Variants in CNTN5 observed in about 807,000 individuals in gnomAD.
The protein encoded by CNTN5 is contactin-5.
A neutral mutation model predicts 129.1 loss-of-function variants in CNTN5; 77 were observed. The observed-to-expected ratio is 0.60, with a 90% CI of 0.50 to 0.72. The LOEUF (loss-of-function observed/expected upper bound fraction) is 0.72. CNTN5 is among the 30% of genes least tolerant of loss of function. The probability of loss-of-function intolerance (pLI) is 0.00; values close to 1 mark genes in which losing one functional copy is unlikely to be tolerated. For synonymous variants in CNTN5, 509 were observed against 465.6 expected (o/e 1.09, Z -1.20); for missense variants, 1,478 against 1,328.8 (o/e 1.11, Z -1.75).
At chr11:100,109,704 T>C (rs1945579958) in intron 13 of CNTN5, among the ~76,000 whole-genome samples, 1 of 152,204 alleles carries the variant, frequency 6.6e-6, no homozygotes, top group Non-Finnish European at 1.5e-5. Flanking sequence ...CACAAAAGTA[T>C]TATGCACTTA....
intron 3 of CNTN5, among the ~76,000 whole-genome samples, chr11:99,679,115 A>G (rs1290995901): frequency 6.8e-6 from 1 of 147,794 alleles, no homozygotes; most frequent in Admixed American, 6.8e-5. Context: ...GGAAATATAT[A>G]TATGTATATA....
chr11:99,577,344 A>G (rs944492839), intron 3 of CNTN5, among the ~76,000 whole-genome samples: 5 of 152,170 alleles, frequency 3.3e-5, no homozygotes, highest in African/African-American at 1.2e-4. Context: ...CTACAACCAT[A>G]TGCTCTAAAT....
At chr11:99,513,890 C>A (rs1313041023) in intron 2 of CNTN5, among the ~76,000 whole-genome samples, 1 of 151,978 alleles carries the variant, frequency 6.6e-6, no homozygotes, top group East Asian at 1.9e-4. Context: ...GTAATTTTGT[C>A]TTTTAAGTCT....
chr11:99,250,072 C>G (rs1862022603), intron 1 of CNTN5, among the ~76,000 whole-genome samples: 1 of 151,940 alleles, frequency 6.6e-6, no homozygotes, highest in Non-Finnish European at 1.5e-5. Flanking sequence ...GGCATAGACA[C>G]TTCAATAGGT....
intron 9 of CNTN5, among the ~76,000 whole-genome samples, chr11:100,014,647 G>C (rs981746331): frequency 1.3e-4 from 20 of 151,924 alleles, no homozygotes; most frequent in African/African-American, 4.8e-4. Flanking sequence ...ATTAGCTTTG[G>C]GAATTTCTCC....
intron 3 of CNTN5, among the ~76,000 whole-genome samples, chr11:99,597,982 C>T (rs1389754721): frequency 6.6e-6 from 1 of 152,106 alleles, no homozygotes; most frequent in Non-Finnish European, 1.5e-5. Flanking sequence ...CCCTCATTGA[C>T]ACCTTCCTTC....
chr11:100,022,809 A>T (rs1274737845), intron 9 of CNTN5, among the ~76,000 whole-genome samples: 2 of 152,182 alleles, frequency 1.3e-5, no homozygotes, highest in Admixed American at 1.3e-4. Flanking sequence ...TTACAGACCA[A>T]TATCTTCTTC....
intron 13 of CNTN5, among the ~76,000 whole-genome samples, chr11:100,128,439 C>T (rs928694358): frequency 2.0e-5 from 3 of 152,146 alleles, no homozygotes; most frequent in Admixed American, 6.5e-5. Context: ...TCCTAATCCC[C>T]AGAACCTGTA....
intron 8 of CNTN5, among the ~76,000 whole-genome samples, chr11:99,998,183 G>T (rs1939588523): frequency 6.6e-6 from 1 of 151,744 alleles, no homozygotes; most frequent in African/African-American, 2.4e-5. Context: ...GGGAATAAAG[G>T]GTCTTCAATT....
In CNTN5 at chr11:100,297,743, C is replaced by T. The variant is rs1951127070; in HGVS notation, c.2385+48C>T. The T allele has an allele frequency of 3.0e-6, 4 of 1,349,390 alleles. No homozygotes were observed. In the East Asian group the frequency reaches 9.8e-5, roughly 33 times the overall value. 83.6% of individuals were successfully genotyped at this position (1,349,390 alleles called of 1,614,324 possible). A position where few individuals can be genotyped will look rare whatever the true frequency, so the allele number is the denominator to read the frequency against. On this transcript the variant is annotated intron_variant, in intron 19 of 24. Coordinates refer to ENST00000524871, the MANE Select transcript of CNTN5 (RefSeq NM_014361.4). Reference sequence around the variant, plus strand: ...CAAATTACTCCACGTGTTTGTTTGGCTTAGTGTGATATTTAATTATTTTAT... The same window carrying T: ...CAAATTACTCCACGTGTTTGTTTGGTTTAGTGTGATATTTAATTATTTTAT...
chr11:100,063,158 A>G lies in CNTN5; in HGVS notation c.1162+1765A>G, dbSNP rs147893702. Among the ~76,000 whole-genome samples, 395 of 152,244 alleles carry G rather than the reference A, an allele frequency of 2.6e-3. 17 individuals carry two copies. The East Asian group carries it at 0.058, about 22-fold the overall frequency. On this transcript the variant is annotated intron_variant, in intron 10 of 24. Coordinates refer to ENST00000524871, the MANE Select transcript of CNTN5 (RefSeq NM_014361.4). ...ATGTTCTAGGGACTGAGGCTCCTAC[A>G]TAGCATGACTCTACTTACTCCTCCC...
intron 1 of CNTN5, among the ~76,000 whole-genome samples, chr11:99,253,051 C>G (rs1420110239): frequency 6.6e-6 from 1 of 151,580 alleles, no homozygotes; most frequent in Non-Finnish European, 1.5e-5. Flanking sequence ...GGCTGTGTCC[C>G]CACTCAAATC....
chr11:100,133,106 C>G (rs1392080757), intron 13 of CNTN5, among the ~76,000 whole-genome samples: 2 of 151,970 alleles, frequency 1.3e-5, no homozygotes, highest in African/African-American at 4.8e-5. Flanking sequence ...GTAATTTTCT[C>G]AAAAATGACC....
intron 3 of CNTN5, among the ~76,000 whole-genome samples, chr11:99,818,628 A>G (rs1259377586): frequency 3.3e-5 from 5 of 152,162 alleles, no homozygotes; most frequent in Non-Finnish European, 7.3e-5. Flanking sequence ...TGTACATATA[A>G]AAAATTTCCA....
chr11:99,292,876 T>G (rs1864228688), intron 1 of CNTN5, among the ~76,000 whole-genome samples: 1 of 152,126 alleles, frequency 6.6e-6, no homozygotes. Context: ...ACCAGCCACT[T>G]CTCTACATTG....
chr11:99,145,083 T>C (rs1170659463), intron 1 of CNTN5, among the ~76,000 whole-genome samples: 1 of 152,130 alleles, frequency 6.6e-6, no homozygotes, highest in Non-Finnish European at 1.5e-5. Context: ...TATTTTTTAT[T>C]GTTTGAGACA....
intron 24 of CNTN5, among the ~76,000 whole-genome samples, chr11:100,354,717 A>G (rs1162510288): frequency 6.6e-6 from 1 of 151,724 alleles, no homozygotes; most frequent in African/African-American, 2.4e-5. Context: ...ATAGCTTACT[A>G]TACACCTAAG....
At chr11:99,721,977 A>G (rs1943188312) in intron 3 of CNTN5, among the ~76,000 whole-genome samples, 1 of 152,136 alleles carries the variant, frequency 6.6e-6, no homozygotes, top group Non-Finnish European at 1.5e-5. Flanking sequence ...TTAAAAAGCT[A>G]ATAACAGATG....
chr11:99,585,384 G>GTTTTTCATTCA (rs1565322976), intron 3 of CNTN5, among the ~76,000 whole-genome samples: 7 of 151,980 alleles, frequency 4.6e-5, no homozygotes, highest in Non-Finnish European at 7.4e-5. Flanking sequence ...AATGAAAAAA[G>GTTTTTCATTCA]GTAGGAGGAT....
Sources: gnomAD v4.1 joint callset for allele counts (sites outside exome capture counted in the v4.1 genomes callset) on GRCh38, gnomAD v4.1.1 for gene constraint, MANE v1.5 for transcripts, NCBI Gene and HGNC (gene_info 2026-07-23, HGNC 2026-07-21) for gene names.